The following POLQ variants were observed in gnomAD, a reference collection of about 807,000 sequenced individuals.
POLQ encodes the protein DNA polymerase theta.
In POLQ, 233 loss-of-function variants were observed where a neutral mutation model predicts 259.2. That is an observed-to-expected ratio of 0.90 (90% confidence interval 0.81 to 1.00). The LOEUF (loss-of-function observed/expected upper bound fraction) is 1.00. Among genes scored for constraint, POLQ ranks in the 50% least tolerant of loss-of-function variants. The pLI, the probability that POLQ is intolerant of heterozygous loss-of-function variation, is 0.00. For synonymous variants in POLQ, 1,025 were observed against 1,048.8 expected (o/e 0.98, Z 0.44); for missense variants, 2,871 against 3,051.6 (o/e 0.94, Z 1.39).
At chr3:121,444,076 G>T (rs904691448) in intron 26 of POLQ, among the ~76,000 whole-genome samples, 3 of 151,702 alleles carry the variant, frequency 2.0e-5, no homozygotes, top group Non-Finnish European at 4.4e-5. Context: ...TAGGTCTCTT[G>T]TGGTTCCATG....
intron 26 of POLQ, among the ~76,000 whole-genome samples, chr3:121,445,233 C>T (rs1466457689): frequency 6.6e-6 from 1 of 152,106 alleles, no homozygotes; most frequent in Non-Finnish European, 1.5e-5. Flanking sequence ...GCCATTGAGT[C>T]CCAGGCTTTT....
At chr3:121,468,708 G>T (rs2047859323) in intron 22 of POLQ, among the ~76,000 whole-genome samples, 1 of 152,162 alleles carries the variant, frequency 6.6e-6, no homozygotes, top group Non-Finnish European at 1.5e-5. Context: ...AACTGAACTA[G>T]TCTTATGCTA....
At chr3:121,432,459 AG>A (rs1450186989) in intron 29 of POLQ, 42 bp from the exon 30 acceptor site, 2 of 1,586,556 alleles carry the variant, frequency 1.3e-6, no homozygotes, top group Non-Finnish European at 1.7e-6. Flanking sequence ...GCCCAGTCAA[AG>A]AATGTTTCCC....
In POLQ at chr3:121,488,989, G is replaced by T; in HGVS notation, c.3942C>A (p.Val1314=). 2 of 1,612,972 alleles carry T rather than the reference G, an allele frequency of 1.2e-6. No individual in the cohort carries two copies. The highest frequency in any genetic ancestry group is 4.5e-5 in the East Asian group (2 of 44,866). The change falls in exon 16 of 30, where the codon GTC becomes GTA. Residue 1314 remains valine, a synonymous_variant. Coordinates refer to ENST00000264233, the MANE Select transcript of POLQ (RefSeq NM_199420.4). ...KNNHVSDLGL[V]LCDFEDSFYL... ...AGAAACTATCTTCAAAATCACAGAG[G>T]ACTAAACCTAAGTCAGAAACATGAT... is the stretch of plus-strand genomic sequence containing the variant.
intron 2 of POLQ, among the ~76,000 whole-genome samples, chr3:121,542,181 G>C (rs2048495211): frequency 6.6e-6 from 1 of 151,614 alleles, no homozygotes; most frequent in African/African-American, 2.4e-5. Flanking sequence ...AAAGTTGCAA[G>C]GAATCTTATG....
chr3:121,476,615 C>T lies in POLQ; in HGVS notation c.6330G>A (p.Leu2110=), dbSNP rs2047928199. 4.3e-6 allele frequency: 7 copies of T among 1,613,830 alleles called. No individual in the cohort carries two copies. Among genetic ancestry groups the T allele is most frequent in the Non-Finnish European group, 5.9e-6 (7 of 1,179,880 alleles). The change falls in exon 20 of 30, where the codon CTG becomes CTA. Residue 2110 remains leucine (L), a synonymous_variant. Transcript: ENST00000264233. ...GATAGGCCTGGGTCTCAATTGCATC[C>T]AGCTTGGCTTGCATTATATGTTTCT... ...ESQKHIMQAK[L]DAIETQAYQL... is the part of the protein sequence containing the mutation.
chr3:121,489,566 C>T lies in POLQ; in HGVS notation c.3365G>A (p.Cys1122Tyr), dbSNP rs770001244. ...ATTAGTTAGTGTTATGTTCCATGAA[C>T]AATTTTGCTTTATTTGTAATGGGAA... ...TSFPLQIKQNCSWNITLTNDN... is the reference protein window; with the variant it reads ...TSFPLQIKQNYSWNITLTNDN... The change falls in exon 16 of 30, where the codon TGT becomes TAT. Residue 1122 changes from cysteine (C) to tyrosine (Y), a missense_variant. By Grantham distance (194) the Cys-to-Tyr change is radical. This residue lies in a region of POLQ where 2,080 missense variants were observed against 2,126.0 expected (regional missense o/e 0.98). Coordinates refer to ENST00000264233, the MANE Select transcript of POLQ (RefSeq NM_199420.4). 5 of 1,612,796 alleles carry T rather than the reference C, an allele frequency of 3.1e-6. No individual in the cohort carries two copies. The Admixed American group carries it at 8.4e-5, about 27-fold the overall frequency.
chr3:121,504,647 A>G (rs2048195537), intron 12 of POLQ, among the ~76,000 whole-genome samples: 3 of 152,210 alleles, frequency 2.0e-5, no homozygotes, highest in Admixed American at 2.0e-4. Context: ...ATAAAATACT[A>G]GCAATAAAAT....
In POLQ at chr3:121,457,824, T is replaced by C. The variant is rs570684470; in HGVS notation, c.7152+2226A>G. Among the ~76,000 whole-genome samples the C allele has an allele frequency of 4.8e-3, 733 of 152,292 alleles. 7 individuals are homozygous for C. The highest frequency in any genetic ancestry group is 0.017 in the African/African-American group (693 of 41,562). ...AGTTCAACCATTGTGGAAGTCAGTG[T>C]GGCGATTCCTCAGGGATCTAGTACT... On this transcript the variant is annotated intron_variant, in intron 25 of 29. Transcript: ENST00000264233.
chr3:121,484,940 C>A lies in POLQ; in HGVS notation c.5773+101G>T, dbSNP rs984769796. 1.1e-5 allele frequency: 10 copies of A among 934,768 alleles called. No individual in the cohort carries two copies. The African/African-American group carries it at 1.5e-4, about 14-fold the overall frequency. The allele number at this position is 934,768 out of a possible 1,614,324, so 57.9% of individuals were successfully genotyped here. A position where few individuals can be genotyped will look rare whatever the true frequency, so the allele number is the denominator to read the frequency against. Reference sequence around the variant, plus strand: ...AAAAAATTTAACTCTAAAAATAAATCCTAGGTAAATATCAGGAAATTATTC... The same window carrying A: ...AAAAAATTTAACTCTAAAAATAAATACTAGGTAAATATCAGGAAATTATTC... On this transcript the variant is annotated intron_variant, in intron 17 of 29. Coordinates refer to ENST00000264233, the MANE Select transcript of POLQ (RefSeq NM_199420.4).
In POLQ at chr3:121,520,088, A is replaced by G. The variant is rs1319315365; in HGVS notation, c.1256-5T>C. On this transcript the variant is annotated splice_polypyrimidine_tract_variant and splice_region_variant and intron_variant, in intron 8 of 29. Transcript: ENST00000264233. Reference sequence around the variant, plus strand: ...CCCTCTCCTCAAAAGTAAGACCTAAAAAAAGGAGGTTTTTATATATTTATT... The same window carrying G: ...CCCTCTCCTCAAAAGTAAGACCTAAGAAAAGGAGGTTTTTATATATTTATT... 1.0e-5 allele frequency: 16 copies of G among 1,576,080 alleles called. No individual in the cohort carries two copies. Among genetic ancestry groups the G allele is most frequent in the Admixed American group, 1.7e-5 (1 of 59,218 alleles).
At chr3:121,518,818 T>C (rs1436456717) in intron 9 of POLQ, among the ~76,000 whole-genome samples, 1 of 152,124 alleles carries the variant, frequency 6.6e-6, no homozygotes, top group Non-Finnish European at 1.5e-5. Flanking sequence ...AGTAGAAAGA[T>C]GACAATTATG....
At chr3:121,535,665 G>A (rs1165610489) in intron 5 of POLQ, among the ~76,000 whole-genome samples, 4 of 140,786 alleles carry the variant, frequency 2.8e-5, no homozygotes, top group East Asian at 2.1e-4. Context: ...GCAGTGAGCC[G>A]AGATCACGCC....
chr3:121,499,812 G>A (rs1172243299), intron 12 of POLQ, among the ~76,000 whole-genome samples: 2 of 152,064 alleles, frequency 1.3e-5, no homozygotes, highest in Non-Finnish European at 2.9e-5. Context: ...ACCTTTGAGA[G>A]GGTCCAGCTA....
At chr3:121,514,233 C>A (rs1481958941) in intron 9 of POLQ, among the ~76,000 whole-genome samples, 1 of 150,384 alleles carries the variant, frequency 6.6e-6, no homozygotes, top group African/African-American at 2.4e-5. Flanking sequence ...GAGGCTGAGG[C>A]AAGAGAATCG....
At chr3:121,505,860 A>C (rs1410712477) in intron 12 of POLQ, among the ~76,000 whole-genome samples, 2 of 151,246 alleles carry the variant, frequency 1.3e-5, no homozygotes, top group Non-Finnish European at 3.0e-5. Context: ...AAAAAAAAAA[A>C]AAAAATACAA....
At chr3:121,494,603 C>G in intron 14 of POLQ, 1 of 1,535,660 alleles carries the variant, frequency 6.5e-7, no homozygotes, top group Non-Finnish European at 8.9e-7. Flanking sequence ...TCCCATCAAG[C>G]TGGCTGTCTT....
intron 1 of POLQ, among the ~76,000 whole-genome samples, chr3:121,545,184 G>T (rs2048522035): frequency 6.6e-6 from 1 of 152,152 alleles, no homozygotes; most frequent in South Asian, 2.1e-4. Context: ...GTAGTTGGGG[G>T]AGGAGGGCAA....
intron 11 of POLQ, 65 bp downstream of exon 11, chr3:121,509,974 A>G (rs2048240374): frequency 8.1e-7 from 1 of 1,229,244 alleles, no homozygotes; most frequent in African/African-American, 1.5e-5. Flanking sequence ...CCATTCACTG[A>G]GCAGTCATAC....
Sources: gnomAD v4.1 joint callset for allele counts (sites outside exome capture counted in the v4.1 genomes callset) on GRCh38, gnomAD v4.1.1 for gene constraint, gnomAD v4.1.1 regional missense constraint, MANE v1.5 for transcripts, NCBI Gene and HGNC (gene_info 2026-07-23, HGNC 2026-07-21) for gene names.